Variants in SLC71A1 observed in about 807,000 individuals in gnomAD.
SLC71A1 encodes the protein solute carrier family 71 member 1.
chr1:100,064,827 G>A, the SLC71A1 span, among the ~76,000 whole-genome samples: 2 of 150,228 alleles, frequency 1.3e-5, no homozygotes, highest in Non-Finnish European at 3.0e-5. Context: ...GGGCTCAAGC[G>A]ATCCTTCTGC....
the SLC71A1 span, among the ~76,000 whole-genome samples, chr1:100,081,280 C>T: frequency 5.9e-5 from 9 of 152,166 alleles, no homozygotes; most frequent in Non-Finnish European, 1.3e-4. Flanking sequence ...TTTCTCACTT[C>T]CAGTCACTTG....
chr1:100,056,136 A>G, the SLC71A1 span, among the ~76,000 whole-genome samples: 2 of 152,106 alleles, frequency 1.3e-5, no homozygotes, highest in Non-Finnish European at 2.9e-5. Flanking sequence ...TATTTATTCT[A>G]TTTTTTTGTG....
chr1:100,056,884 T>C, the SLC71A1 span, among the ~76,000 whole-genome samples: 10 of 152,190 alleles, frequency 6.6e-5, no homozygotes, highest in Admixed American at 6.5e-4. Flanking sequence ...TGGGGTGAGA[T>C]GATATTTCAC....
chr1:100,052,507 C>T, the SLC71A1 span, among the ~76,000 whole-genome samples: 21 of 147,292 alleles, frequency 1.4e-4, no homozygotes, highest in East Asian at 4.2e-3. Context: ...TCTTGGCTCA[C>T]TGCATCCCCC....
chr1:100,038,443 C>T, the SLC71A1 span: 12 of 783,628 alleles, frequency 1.5e-5, no homozygotes, highest in Non-Finnish European at 2.1e-5. Flanking sequence ...TCCGAGCTGC[C>T]GGTGCCTCGG....
chr1:100,064,409 G>A, the SLC71A1 span, among the ~76,000 whole-genome samples: 4 of 152,180 alleles, frequency 2.6e-5, no homozygotes, highest in African/African-American at 7.2e-5. Flanking sequence ...GATTATAGGC[G>A]TGAGCCATGG....
the SLC71A1 span, among the ~76,000 whole-genome samples, chr1:100,042,456 C>G: frequency 1.1e-3 from 168 of 152,258 alleles, no homozygotes; most frequent in African/African-American, 3.9e-3. Flanking sequence ...AGCTCTGACC[C>G]TTTGCACTCT....
the SLC71A1 span, among the ~76,000 whole-genome samples, chr1:100,067,571 G>T: frequency 6.6e-6 from 1 of 152,230 alleles, no homozygotes; most frequent in Admixed American, 6.5e-5. Flanking sequence ...AGCCCTTCGG[G>T]AGGCTGAGGT....
the SLC71A1 span, chr1:100,061,708 C>T: frequency 1.5e-6 from 1 of 655,970 alleles, no homozygotes; most frequent in Non-Finnish European, 2.7e-6. Context: ...ATAGTTAATC[C>T]ATGAACTATC....
chr1:100,058,392 C>G, the SLC71A1 span, among the ~76,000 whole-genome samples: 2 of 152,164 alleles, frequency 1.3e-5, no homozygotes, highest in Admixed American at 6.5e-5. Context: ...TAATCTTAGA[C>G]AAGATGTTTA....
At chr1:100,043,946 T>C in the SLC71A1 span, among the ~76,000 whole-genome samples, 1 of 152,262 alleles carries the variant, frequency 6.6e-6, no homozygotes. Flanking sequence ...CTTTATCCAC[T>C]TGTTGGTCAT....
chr1:100,082,110 C>G, the SLC71A1 span: 1 of 1,614,074 alleles, frequency 6.2e-7, no homozygotes, highest in Non-Finnish European at 8.5e-7. Context: ...GCTTAAGGTC[C>G]AGCAGTTGGA....
the SLC71A1 span, chr1:100,038,378 C>T: frequency 1.5e-6 from 2 of 1,320,864 alleles, no homozygotes; most frequent in Non-Finnish European, 2.1e-6. Context: ...CTCCTTCAGA[C>T]CCCCACACTG....
chr1:100,051,109 A>C, the SLC71A1 span, among the ~76,000 whole-genome samples: 21 of 150,374 alleles, frequency 1.4e-4, no homozygotes, highest in East Asian at 9.8e-4. Flanking sequence ...AAAAAAAAAA[A>C]CAGCCGGGCG....
chr1:100,068,035 G>A, the SLC71A1 span: 1 of 1,614,198 alleles, frequency 6.2e-7, no homozygotes, highest in Non-Finnish European at 8.5e-7. Context: ...GCTTATCTTG[G>A]ACGAGTATAT....
chr1:100,070,725 C>CG, the SLC71A1 span, among the ~76,000 whole-genome samples: 1 of 152,052 alleles, frequency 6.6e-6, no homozygotes, highest in Non-Finnish European at 1.5e-5. Context: ...TGAAAAAGCC[C>CG]CACCCCCTTT....
At chr1:100,042,957 T>C in the SLC71A1 span, 9 of 296,978 alleles carry the variant, frequency 3.0e-5, no homozygotes, top group Non-Finnish European at 4.0e-5. Flanking sequence ...TATATTGTCT[T>C]TGGCAGGTGT....
the SLC71A1 span, among the ~76,000 whole-genome samples, chr1:100,069,157 G>A: frequency 1.3e-5 from 2 of 152,118 alleles, no homozygotes; most frequent in East Asian, 3.8e-4. Flanking sequence ...GGTGGTTTGA[G>A]TTTGTTGGCT....
At chr1:100,038,258 G>A in the SLC71A1 span, 2 of 1,560,366 alleles carry the variant, frequency 1.3e-6, no homozygotes, top group Non-Finnish European at 1.7e-6. Context: ...AAGAAGAAAC[G>A]GGCCGCGAAC....
Sources: gnomAD v4.1 joint callset for allele counts (sites outside exome capture counted in the v4.1 genomes callset) on GRCh38, gnomAD v4.1.1 for gene constraint, MANE v1.5 for transcripts, NCBI Gene and HGNC (gene_info 2026-07-23, HGNC 2026-07-21) for gene names.